The following EYA4 variants were observed in gnomAD, a reference collection of about 807,000 sequenced individuals.
The protein encoded by EYA4 is protein phosphatase EYA4.
In EYA4, 31 loss-of-function variants were observed where a neutral mutation model predicts 87.9. The observed-to-expected ratio is 0.35, with a 90% CI of 0.27 to 0.48. The LOEUF is 0.48. Ranked by LOEUF, EYA4 falls within the 20% of genes least tolerant of loss-of-function variation. EYA4 has a pLI of 0.99. For synonymous variants in EYA4, 263 were observed against 270.6 expected (o/e 0.97, Z 0.28); for missense variants, 678 against 761.4 (o/e 0.89, Z 1.29).
At chr6:133,364,730 C>A (rs924034738) in intron 2 of EYA4, among the ~76,000 whole-genome samples, 1 of 152,178 alleles carries the variant, frequency 6.6e-6, no homozygotes, top group Non-Finnish European at 1.5e-5. Flanking sequence ...GAAGCCAGGG[C>A]TGATAGTCAA....
intron 2 of EYA4, among the ~76,000 whole-genome samples, chr6:133,297,454 C>T (rs1779027859): frequency 6.6e-6 from 1 of 152,116 alleles, no homozygotes; most frequent in Non-Finnish European, 1.5e-5. Flanking sequence ...GGCTTGTATC[C>T]CCATCATTGC....
chr6:133,265,609 G>C (rs1039542842), intron 1 of EYA4, among the ~76,000 whole-genome samples: 2 of 152,020 alleles, frequency 1.3e-5, no homozygotes, highest in African/African-American at 4.8e-5. Context: ...AGTTTTACTT[G>C]GTTCAATAAT....
At chr6:133,459,735 T>C (rs1562446416) in intron 6 of EYA4, among the ~76,000 whole-genome samples, 1 of 152,146 alleles carries the variant, frequency 6.6e-6, no homozygotes, top group Non-Finnish European at 1.5e-5. Context: ...AAACGTTCTT[T>C]AAGTTTTGAT....
At chr6:133,266,840 A>T (rs2128250318) in intron 1 of EYA4, among the ~76,000 whole-genome samples, 1 of 152,322 alleles carries the variant, frequency 6.6e-6, no homozygotes. Context: ...TTTAAAACTT[A>T]AATCATCTGG....
At chr6:133,333,332 G>A (rs771385832) in intron 2 of EYA4, among the ~76,000 whole-genome samples, 2 of 152,190 alleles carry the variant, frequency 1.3e-5, no homozygotes, top group Non-Finnish European at 2.9e-5. Context: ...GCCCCCTTAA[G>A]AGGCAATGCA....
chr6:133,509,789 A>G (rs1798982679), intron 14 of EYA4, among the ~76,000 whole-genome samples: 1 of 151,416 alleles, frequency 6.6e-6, no homozygotes, highest in African/African-American at 2.4e-5. Context: ...ATATTTTCAA[A>G]TGTTTGAGTT....
At chr6:133,249,644 C>T (rs182478349) in intron 1 of EYA4, among the ~76,000 whole-genome samples, 205 of 152,288 alleles carry the variant, frequency 1.3e-3, no homozygotes, top group Non-Finnish European at 2.3e-3. Flanking sequence ...TGGACATTTC[C>T]ACTTCATTTC....
At chr6:133,315,806 C>A (rs965659885) in intron 2 of EYA4, among the ~76,000 whole-genome samples, 6 of 152,100 alleles carry the variant, frequency 3.9e-5, no homozygotes, top group Non-Finnish European at 7.3e-5. Context: ...ATTTTTCCAA[C>A]TGCTAAGATT....
chr6:133,365,480 ATTAC>A (rs1239049286), intron 2 of EYA4, among the ~76,000 whole-genome samples: 1 of 152,020 alleles, frequency 6.6e-6, no homozygotes, highest in Admixed American at 6.6e-5. Context: ...GATTATTTTT[ATTAC>A]TTACATTTCC....
At chr6:133,480,004 A>AACTT (rs771544825) in intron 11 of EYA4, among the ~76,000 whole-genome samples, 105 of 152,328 alleles carry the variant, frequency 6.9e-4, no homozygotes, top group Non-Finnish European at 2.9e-4. Flanking sequence ...TAAAGTCTGA[A>AACTT]ACTTAGGATG....
At chr6:133,493,826 A>T (rs2128733872) in intron 13 of EYA4, among the ~76,000 whole-genome samples, 1 of 152,258 alleles carries the variant, frequency 6.6e-6, no homozygotes, top group East Asian at 1.9e-4. Flanking sequence ...GCAAACAGGT[A>T]CGTGAAAAGG....
At chr6:133,437,106 A>G (rs552428289) in intron 3 of EYA4, among the ~76,000 whole-genome samples, 3 of 151,816 alleles carry the variant, frequency 2.0e-5, no homozygotes, top group African/African-American at 7.2e-5. Flanking sequence ...TTCATTTTTT[A>G]TATTGTCTGG....
intron 14 of EYA4, 75 bp downstream of exon 14, chr6:133,506,270 C>A: frequency 3.7e-6 from 3 of 819,750 alleles, no homozygotes; most frequent in Non-Finnish European, 4.1e-6. Flanking sequence ...CTGTAGATAA[C>A]CTCGAGAAAA....
At chr6:133,338,514 A>G (rs906735008) in intron 2 of EYA4, among the ~76,000 whole-genome samples, 2 of 152,180 alleles carry the variant, frequency 1.3e-5, no homozygotes, top group African/African-American at 2.4e-5. Flanking sequence ...TATAGTGATA[A>G]CAATTCATAC....
chr6:133,356,858 A>G (rs1784089648), intron 2 of EYA4, among the ~76,000 whole-genome samples: 7 of 150,892 alleles, frequency 4.6e-5, no homozygotes, highest in Admixed American at 4.0e-4. Flanking sequence ...GCTGGAATGC[A>G]ATGGCATGAT....
intron 14 of EYA4, among the ~76,000 whole-genome samples, chr6:133,510,172 G>A (rs900049833): frequency 1.3e-5 from 2 of 152,118 alleles, no homozygotes; most frequent in African/African-American, 2.4e-5. Context: ...AATATTTAAT[G>A]TCAGAGGAAT....
chr6:133,336,150 A>G (rs1782348809), intron 2 of EYA4, among the ~76,000 whole-genome samples: 1 of 152,184 alleles, frequency 6.6e-6, no homozygotes, highest in Non-Finnish European at 1.5e-5. Flanking sequence ...ATAACTGATC[A>G]GGGTGTCATT....
intron 6 of EYA4, among the ~76,000 whole-genome samples, chr6:133,458,921 G>A (rs1280493403): frequency 6.6e-6 from 1 of 152,162 alleles, no homozygotes; most frequent in East Asian, 1.9e-4. Flanking sequence ...ATGATGGAAT[G>A]TAATGAGTGT....
At chr6:133,273,906 T>G (rs1776946862) in intron 1 of EYA4, among the ~76,000 whole-genome samples, 1 of 151,994 alleles carries the variant, frequency 6.6e-6, no homozygotes, top group South Asian at 2.1e-4. Flanking sequence ...TGTGTGTGTG[T>G]GGGTGTGTGT....
Sources: gnomAD v4.1 joint callset for allele counts (sites outside exome capture counted in the v4.1 genomes callset) on GRCh38, gnomAD v4.1.1 for gene constraint, MANE v1.5 for transcripts, NCBI Gene and HGNC (gene_info 2026-07-23, HGNC 2026-07-21) for gene names.